The following SNPH variants were observed in gnomAD, a reference collection of about 807,000 sequenced individuals.
SNPH encodes the protein syntaphilin.
A neutral mutation model predicts 36.8 loss-of-function variants in SNPH; 10 were observed. The observed-to-expected ratio is 0.27, with a 90% confidence interval of 0.17 to 0.46. The LOEUF is 0.46. SNPH is among the 20% of genes least tolerant of loss of function. The probability of loss-of-function intolerance (pLI) is 1.00; values close to 1 mark genes in which losing one functional copy is unlikely to be tolerated. For missense variants in SNPH, 622 were observed against 744.0 expected, an observed-to-expected ratio of 0.84 and a Z score of 1.91; for synonymous variants, 281 against 312.2, an observed-to-expected ratio of 0.90 and a Z score of 1.05.
chr20:1,298,125 C>T (rs1006910404), intron 5 of SNPH, among the ~76,000 whole-genome samples: 3 of 152,130 alleles, frequency 2.0e-5, no homozygotes, highest in South Asian at 2.1e-4. Context: ...GAGGTTGGGG[C>T]GTGTAGGGAA....
intron 2 of SNPH, among the ~76,000 whole-genome samples, chr20:1,274,851 C>T (rs1434437307): frequency 6.6e-6 from 1 of 152,154 alleles, no homozygotes. Flanking sequence ...CCCAAAGCCT[C>T]ATTAGGCAGC....
At chr20:1,293,939 G>A (rs1388735030) in intron 2 of SNPH, among the ~76,000 whole-genome samples, 1 of 152,212 alleles carries the variant, frequency 6.6e-6, no homozygotes, top group African/African-American at 2.4e-5. Flanking sequence ...CCAGGACTGG[G>A]CCTAGCACTC....
intron 6 of SNPH, among the ~76,000 whole-genome samples, chr20:1,301,248 G>A (rs2088504268): frequency 1.3e-5 from 2 of 152,048 alleles, no homozygotes; most frequent in South Asian, 2.1e-4. Context: ...CCCAGCCCAG[G>A]TGTCTCCCAG....
At chr20:1,303,642 C>A (rs2088530748) in intron 6 of SNPH, among the ~76,000 whole-genome samples, 1 of 152,170 alleles carries the variant, frequency 6.6e-6, no homozygotes, top group Admixed American at 6.5e-5. Flanking sequence ...CATTGCTGAC[C>A]TTTATGGCCA....
intron 2 of SNPH, among the ~76,000 whole-genome samples, chr20:1,289,558 A>G (rs1362586338): frequency 1.5e-5 from 2 of 135,052 alleles, no homozygotes; most frequent in Non-Finnish European, 3.2e-5. Flanking sequence ...CACACACACA[A>G]TGGAGTCAGG....
At chr20:1,300,738 G>A (rs1389235419) in intron 6 of SNPH, 27 bp downstream of exon 6, 2 of 1,593,754 alleles carry the variant, frequency 1.3e-6, no homozygotes, top group South Asian at 2.3e-5. Flanking sequence ...GAGCAGCCCT[G>A]GGGGTACCCC....
At chr20:1,301,592 GTTAGT>G (rs1360130094) in intron 6 of SNPH, among the ~76,000 whole-genome samples, 70 of 151,648 alleles carry the variant, frequency 4.6e-4, no homozygotes, top group African/African-American at 1.6e-3. Context: ...TTAGATGATT[GTTAGT>G]TTAGTCACAG....
At chr20:1,290,211 C>CAAATT (rs2088341983) in intron 2 of SNPH, among the ~76,000 whole-genome samples, 1 of 145,092 alleles carries the variant, frequency 6.9e-6, no homozygotes. Context: ...GACTCTGTCT[C>CAAATT]AAAAAAAAAA....
chr20:1,286,525 G>T (rs576429140), intron 2 of SNPH, among the ~76,000 whole-genome samples: 2 of 152,300 alleles, frequency 1.3e-5, no homozygotes, highest in African/African-American at 4.8e-5. Flanking sequence ...CTGAGCCCCT[G>T]GGAGCTGCAG....
chr20:1,293,797 G>A (rs1462982199), intron 2 of SNPH, among the ~76,000 whole-genome samples: 1 of 152,222 alleles, frequency 6.6e-6, no homozygotes, highest in African/African-American at 2.4e-5. Context: ...CAGGGAGGAA[G>A]GAAGAGGGAA....
At position 1,266,838 on chromosome 20, in the gene SNPH, T is replaced by C. The variant is rs1016363916; in HGVS notation, c.-493+78T>C. 55 of 1,304,704 alleles carry C rather than the reference T, an allele frequency of 4.2e-5. No homozygotes were observed. The highest frequency in any genetic ancestry group is 5.1e-5 in the Non-Finnish European group (52 of 1,027,640). 80.8% of individuals were successfully genotyped at this position (1,304,704 alleles called of 1,614,324 possible). On this transcript the variant is annotated intron_variant, in intron 2 of 6. Transcript: ENST00000381867. The surrounding 1 kb of genome is among the most constrained non-coding windows in gnomAD (Gnocchi z 6.0). ...GTGGGGGCCGCTTGCAACCGCTCGC[T>C]GCGGTAGAATCCCTTGGAGGGCACC...
intron 2 of SNPH, among the ~76,000 whole-genome samples, chr20:1,289,817 A>G (rs2088334577): frequency 2.0e-5 from 3 of 152,284 alleles, no homozygotes; most frequent in South Asian, 4.1e-4. Flanking sequence ...GTGACAGAGT[A>G]AGACCCTGGC....
chr20:1,292,320 C>T (rs1431553371), intron 2 of SNPH, among the ~76,000 whole-genome samples: 1 of 152,172 alleles, frequency 6.6e-6, no homozygotes, highest in East Asian at 1.9e-4. Context: ...TGTAGAGATG[C>T]AGATTTGGGA....
At chr20:1,291,619 C>A (rs2088362510) in intron 2 of SNPH, among the ~76,000 whole-genome samples, 1 of 146,998 alleles carries the variant, frequency 6.8e-6, no homozygotes, top group South Asian at 2.2e-4. Flanking sequence ...CTAGTGTTAC[C>A]TTGGCAAAGA....
intron 2 of SNPH, among the ~76,000 whole-genome samples, chr20:1,282,573 A>C (rs1160713013): frequency 6.6e-6 from 1 of 152,258 alleles, no homozygotes; most frequent in Non-Finnish European, 1.5e-5. Flanking sequence ...TTTGAGTAGC[A>C]AAACTGGAAC....
intron 2 of SNPH, among the ~76,000 whole-genome samples, chr20:1,288,361 T>A (rs1418537364): frequency 1.3e-5 from 2 of 152,038 alleles, no homozygotes; most frequent in Non-Finnish European, 2.9e-5. Context: ...AGTGAATGCA[T>A]GAGACAGCTG....
intron 2 of SNPH, among the ~76,000 whole-genome samples, chr20:1,271,670 T>C (rs1157115358): frequency 6.6e-6 from 1 of 152,214 alleles, no homozygotes; most frequent in Non-Finnish European, 1.5e-5. Context: ...ATATAATTGT[T>C]ACTTGAGGAA....
intron 2 of SNPH, among the ~76,000 whole-genome samples, chr20:1,283,419 A>G (rs1053725231): frequency 6.6e-6 from 1 of 152,206 alleles, no homozygotes; most frequent in African/African-American, 2.4e-5. Flanking sequence ...ATGCCGTGCC[A>G]CTAACAAACA....
intron 2 of SNPH, among the ~76,000 whole-genome samples, chr20:1,273,467 G>A (rs2122240029): frequency 6.6e-6 from 1 of 152,324 alleles, no homozygotes; most frequent in South Asian, 2.1e-4. Flanking sequence ...AACATATACT[G>A]AGGATCTGCT....
Sources: gnomAD v4.1 joint callset for allele counts (sites outside exome capture counted in the v4.1 genomes callset) on GRCh38, gnomAD v4.1.1 for gene constraint, Gnocchi (gnomAD v3.1) non-coding constraint, MANE v1.5 for transcripts, NCBI Gene and HGNC (gene_info 2026-07-23, HGNC 2026-07-21) for gene names.